Variants in ZNF488 observed in about 807,000 individuals in gnomAD.
ZNF488 encodes the protein zinc finger protein 488.
Under a neutral mutation model 1.2 loss-of-function variants are expected in ZNF488, and 1 was observed. That is an observed-to-expected ratio of 0.86 (90% CI 0.30 to 4.07). The LOEUF is 4.07. Among genes scored for constraint, ZNF488 ranks in the 30% most tolerant of loss-of-function variants. The pLI is 0.18. For synonymous variants in ZNF488, 185 were observed against 190.1 expected (o/e 0.97, Z 0.22); for missense variants, 450 against 437.9 (o/e 1.03, Z -0.25).
chr10:47,372,175 T>C (rs1321690607), intron 1 of ZNF488, among the ~76,000 whole-genome samples: 2 of 152,170 alleles, frequency 1.3e-5, no homozygotes, highest in African/African-American at 4.8e-5. Context: ...TTCTAAGTAG[T>C]TGGAAATGAC....
chr10:47,380,341 C>T (rs1288617307), intron 1 of ZNF488, among the ~76,000 whole-genome samples: 2 of 144,396 alleles, frequency 1.4e-5, no homozygotes, highest in Non-Finnish European at 3.1e-5. Context: ...CAGGACTCAC[C>T]CACCACTTTC....
rs74973202 is a variant in ZNF488, at chr10:47,379,252, C to T, written c.-109+4968G>A. Among the ~76,000 whole-genome samples, 1,359 of 145,654 alleles carry T rather than the reference C, an allele frequency of 9.3e-3. 10 individuals are homozygous for T. Among genetic ancestry groups the T allele is most frequent in the African/African-American group, 0.035 (1,303 of 36,892 alleles). On this transcript the variant is annotated intron_variant, in intron 1 of 1. Transcript: ENST00000585316. ...TTGTTCATTTCATTTTCATAAAAAC[C>T]ATATGAGGGAAGCTATGTGTCTCAA...
chr10:47,379,141 A>G (rs1405272002), intron 1 of ZNF488, among the ~76,000 whole-genome samples: 4 of 152,230 alleles, frequency 2.6e-5, no homozygotes, highest in East Asian at 1.9e-4. Flanking sequence ...AGGATGCTTC[A>G]GGGTATCAGA....
rs1169350752 is a variant in ZNF488 at position 47,367,156 on chromosome 10, A to G, written c.*651T>C. ...GCCCACCAGCCGAAGAAGAAAACGA[A>G]TATGACTTGATCAAATCTGAGACTT... On this transcript the variant is annotated 3_prime_UTR_variant, in exon 2 of 2. Transcript: ENST00000585316. 6.0e-6 allele frequency: 1 copy of G among 167,274 alleles called. No homozygotes were observed. The highest frequency in any genetic ancestry group is 1.5e-5 in the Non-Finnish European group (1 of 68,276). The allele number at this position is 167,274 out of a possible 1,614,324, so 10.4% of individuals were successfully genotyped here.
At chr10:47,372,719 G>A (rs1555214011) in intron 1 of ZNF488, among the ~76,000 whole-genome samples, 1 of 152,176 alleles carries the variant, frequency 6.6e-6, no homozygotes, top group Admixed American at 6.5e-5. Context: ...ACAGGCAGGG[G>A]AAAGTACTGG....
chr10:47,368,788 C>T lies in ZNF488; in HGVS notation c.42G>A (p.Leu14=), dbSNP rs1378905938. 5.0e-6 allele frequency: 8 copies of T among 1,607,760 alleles called. No individual in the cohort carries two copies. The highest frequency in any genetic ancestry group is 8.5e-7 in the Non-Finnish European group (1 of 1,177,332). ...WPPCLSVAPA[L]VITMAAGKGA... The stretch of plus-strand genomic sequence containing the variant: ...CCTTCCCAGCTGCCATGGTGATCAC[C>T]AGGGCCGGGGCCACAGATAAGCAAG... The change falls in exon 2 of 2, where the codon CTG becomes CTA. Residue 14 remains leucine, a synonymous_variant. Transcript: ENST00000585316.
chr10:47,375,816 T>C (rs546265475), intron 1 of ZNF488, among the ~76,000 whole-genome samples: 5 of 152,306 alleles, frequency 3.3e-5, no homozygotes, highest in Admixed American at 1.3e-4. Flanking sequence ...CCATATACTT[T>C]CTAATTCTGG....
In ZNF488 at chr10:47,367,673, G is replaced by A; in HGVS notation, c.*134C>T. ...GGTGTGGCTTTTTCAAATTATGCCT[G>A]AGCTGTTTATCTATGAATGCCAAAA... On this transcript the variant is annotated 3_prime_UTR_variant, in exon 2 of 2. Coordinates refer to ENST00000585316, the MANE Select transcript of ZNF488 (RefSeq NM_153034.4). 1 of 982,062 alleles carries A rather than the reference G, an allele frequency of 1.0e-6. No homozygotes were observed. Among genetic ancestry groups the A allele is most frequent in the Non-Finnish European group, 1.5e-6 (1 of 665,180 alleles). 60.8% of individuals were successfully genotyped at this position (982,062 alleles called of 1,614,324 possible).
rs782318171 is a variant in ZNF488, at chr10:47,368,414, G to C, written c.416C>G (p.Pro139Arg). Reference protein sequence around the residue: ...PGAPQLTQNIPRGPAGSKVFS... With the variant: ...PGAPQLTQNIRRGPAGSKVFS... Reference sequence around the variant, plus strand: ...GACTTTGCTGCCAGCTGGGCCTCTGGGGATGTTCTGGGTCAGCTGTGGGGC... The same window carrying C: ...GACTTTGCTGCCAGCTGGGCCTCTGCGGATGTTCTGGGTCAGCTGTGGGGC... Residue 139 changes from proline (P) to arginine (R), a missense_variant, in exon 2 of 2, where the codon CCC becomes CGC. Transcript: ENST00000585316. The C allele has an allele frequency of 6.2e-7, 1 of 1,614,036 alleles. No homozygotes were observed. Among genetic ancestry groups the C allele is most frequent in the East Asian group, 2.2e-5 (1 of 44,882 alleles).
At chr10:47,370,235 T>C (rs1837413049) in intron 1 of ZNF488, among the ~76,000 whole-genome samples, 2 of 152,252 alleles carry the variant, frequency 1.3e-5, no homozygotes, top group Admixed American at 1.3e-4. Context: ...GCCCAGTCCA[T>C]AGCTCAGGCG....
intron 1 of ZNF488, among the ~76,000 whole-genome samples, chr10:47,372,290 G>A (rs1273082116): frequency 1.3e-5 from 2 of 152,206 alleles, no homozygotes; most frequent in African/African-American, 4.8e-5. Context: ...GCTAGATGCA[G>A]TCCTGAAACA....
In ZNF488 at chr10:47,367,918, C is replaced by T. The variant is rs1555213062; in HGVS notation, c.912G>A (p.Gly304=). The part of the protein sequence containing the change: ...MRSHHKKEHA[G]PDPHSQKRRE... ...TCCGCTTCTGAGAATGTGGGTCAGG[C>T]CCCGCATGCTCCTTTTTGTGGTGGG... The change falls in exon 2 of 2, where the codon GGG becomes GGA. Residue 304 remains glycine, a synonymous_variant. Coordinates refer to ENST00000585316, the MANE Select transcript of ZNF488 (RefSeq NM_153034.4). The T allele has an allele frequency of 1.2e-6, 2 of 1,614,100 alleles. No homozygotes were observed. The highest frequency in any genetic ancestry group is 3.3e-5 in the Admixed American group (2 of 60,028).
At chr10:47,381,097 C>T (rs781872685) in intron 1 of ZNF488, among the ~76,000 whole-genome samples, 1 of 152,308 alleles carries the variant, frequency 6.6e-6, no homozygotes, top group Non-Finnish European at 1.5e-5. Context: ...GAAGAAAGAA[C>T]TCTTGGCAAA....
rs782777131 is a variant in ZNF488 at position 47,378,911 on chromosome 10, AG to A, written c.-109+5308del. Among the ~76,000 whole-genome samples, 9 of 152,276 alleles carry A rather than the reference AG, an allele frequency of 5.9e-5. No homozygotes were observed. In the East Asian group the frequency reaches 1.7e-3, roughly 29 times the overall value. On this transcript the variant is annotated intron_variant, in intron 1 of 1. Coordinates refer to ENST00000585316, the MANE Select transcript of ZNF488 (RefSeq NM_153034.4). ...TTCCTCAGAGGGGGTGCCTGACGTC[AG>A]AGGTGAATGTCGGCCAGTGTCTCCC... is the stretch of plus-strand genomic sequence containing the variant.
intron 1 of ZNF488, among the ~76,000 whole-genome samples, chr10:47,374,304 T>C (rs1192835818): frequency 1.3e-5 from 2 of 152,240 alleles, no homozygotes; most frequent in Admixed American, 6.5e-5. Context: ...GCAGATCTAA[T>C]AATCAGCTGT....
At position 47,368,766 on chromosome 10, in the gene ZNF488, T is replaced by A; in HGVS notation, c.64A>T (p.Lys22Ter). The change falls in exon 2 of 2, where the codon AAG becomes TAG. Residue 22 changes from lysine to a stop codon, truncating the protein, a stop_gained. Coordinates refer to ENST00000585316, the MANE Select transcript of ZNF488 (RefSeq NM_153034.4). LOFTEE classifies it low-confidence loss of function (END_TRUNC). ...GCCGATGGGCTCAACGGGGCTCCCT[T>A]CCCAGCTGCCATGGTGATCACCAGG... is the stretch of plus-strand genomic sequence containing the variant. Reference protein sequence around the residue: ...PALVITMAAGKGAPLSPSAEN... With the variant: ...PALVITMAAG 6.2e-7 allele frequency: 1 copy of A among 1,612,564 alleles called. No individual in the cohort carries two copies. Among genetic ancestry groups the A allele is most frequent in the Non-Finnish European group, 8.5e-7 (1 of 1,179,624 alleles).
At position 47,379,943 on chromosome 10, in the gene ZNF488, C is replaced by A. The variant is rs566899024; in HGVS notation, c.-109+4277G>T. Reference sequence around the variant, plus strand: ...GCTCCTGCTTTCCTCCGGGAACCTGCCTGCGCCCTTTGCACCTGCAGATCC... The same window carrying A: ...GCTCCTGCTTTCCTCCGGGAACCTGACTGCGCCCTTTGCACCTGCAGATCC... On this transcript the variant is annotated intron_variant, in intron 1 of 1. Coordinates refer to ENST00000585316, the MANE Select transcript of ZNF488 (RefSeq NM_153034.4). Among the ~76,000 whole-genome samples, 5 of 152,384 alleles carry A rather than the reference C, an allele frequency of 3.3e-5. No individual in the cohort carries two copies. In the South Asian group the frequency reaches 1.0e-3, roughly 32 times the overall value.
At chr10:47,382,021 C>T (rs1257558816) in intron 1 of ZNF488, among the ~76,000 whole-genome samples, 1 of 152,264 alleles carries the variant, frequency 6.6e-6, no homozygotes, top group Non-Finnish European at 1.5e-5. Flanking sequence ...GCCCTGGTCA[C>T]TCAGGCGCCA....
chr10:47,376,035 T>G (rs1208508981), intron 1 of ZNF488, among the ~76,000 whole-genome samples: 1 of 152,190 alleles, frequency 6.6e-6, no homozygotes, highest in African/African-American at 2.4e-5. Flanking sequence ...ACCATATCTC[T>G]TAGGGGAGAC....
Sources: gnomAD v4.1 joint callset for allele counts (sites outside exome capture counted in the v4.1 genomes callset) on GRCh38, gnomAD v4.1.1 for gene constraint, MANE v1.5 for transcripts, NCBI Gene and HGNC (gene_info 2026-07-23, HGNC 2026-07-21) for gene names.